Variants in SRGAP3 observed in about 807,000 individuals in gnomAD.
The protein encoded by SRGAP3 is SLIT-ROBO Rho GTPase activating protein 3, also known as SLIT-ROBO Rho GTPase-activating protein 3.
Under a neutral mutation model 121.1 loss-of-function variants are expected in SRGAP3, and 39 were observed. That is an observed-to-expected ratio of 0.32 (90% CI 0.25 to 0.42). The LOEUF (loss-of-function observed/expected upper bound fraction) is 0.42, where lower values mean the gene tolerates loss of function less well. Ranked by LOEUF, SRGAP3 falls within the 10% of genes least tolerant of loss-of-function variation. The pLI is 1.00. For synonymous variants in SRGAP3, 601 were observed against 570.0 expected, an observed-to-expected ratio of 1.05 and a Z score of -0.77; for missense variants, 1,213 against 1,470.6, an observed-to-expected ratio of 0.82 and a Z score of 2.86.
chr3:9,121,973 G>A (rs961043608), intron 2 of SRGAP3, among the ~76,000 whole-genome samples: 2 of 152,138 alleles, frequency 1.3e-5, no homozygotes, highest in Non-Finnish European at 2.9e-5. Context: ...CTGCACCTAG[G>A]CCCTTTCTTA....
chr3:9,170,517 GC>G (rs1029295369), intron 1 of SRGAP3, among the ~76,000 whole-genome samples: 2 of 152,160 alleles, frequency 1.3e-5, no homozygotes, highest in African/African-American at 4.8e-5. Flanking sequence ...GAGGTGGGCT[GC>G]TTTTTAGGAA....
At chr3:9,117,403 C>A (rs754049026) in intron 2 of SRGAP3, among the ~76,000 whole-genome samples, 6 of 152,204 alleles carry the variant, frequency 3.9e-5, no homozygotes, top group Non-Finnish European at 7.3e-5. Flanking sequence ...TCACAGGAAT[C>A]CTCTCTCCCA....
At chr3:9,016,849 C>G (rs546615054) in intron 14 of SRGAP3, among the ~76,000 whole-genome samples, 2 of 152,240 alleles carry the variant, frequency 1.3e-5, no homozygotes, top group African/African-American at 4.8e-5. Flanking sequence ...TTCCTGTCCC[C>G]CACTCTCACC....
At chr3:9,107,732 A>G (rs973026646) in intron 2 of SRGAP3, among the ~76,000 whole-genome samples, 2 of 152,214 alleles carry the variant, frequency 1.3e-5, no homozygotes, top group African/African-American at 4.8e-5. Context: ...CAAACTCTCA[A>G]GGTGATTTGG....
intron 1 of SRGAP3, among the ~76,000 whole-genome samples, chr3:9,190,487 A>G (rs1951716645): frequency 6.6e-6 from 1 of 152,204 alleles, no homozygotes; most frequent in African/African-American, 2.4e-5. Flanking sequence ...CTGAAAATGT[A>G]GTATAACGGA....
chr3:8,984,726 G>A lies in SRGAP3; in HGVS notation c.*793C>T. The stretch of plus-strand genomic sequence containing the variant: ...CGGGTGGAAGGGCAGGGTCTCTGGG[G>A]TGGACGGGGGTGGGGATTTCCTATG... On this transcript the variant is annotated 3_prime_UTR_variant, in exon 22 of 22. Coordinates refer to ENST00000383836, the MANE Select transcript of SRGAP3 (RefSeq NM_014850.4). 4.3e-6 allele frequency: 1 copy of A among 232,448 alleles called. No homozygotes were observed. Among genetic ancestry groups the A allele is most frequent in the East Asian group, 6.1e-5 (1 of 16,440 alleles). 14.4% of individuals were successfully genotyped at this position (232,448 alleles called of 1,614,324 possible). A position where few individuals can be genotyped will look rare whatever the true frequency, so the allele number is the denominator to read the frequency against.
intron 1 of SRGAP3, among the ~76,000 whole-genome samples, chr3:9,191,271 A>T (rs938341377): frequency 1.3e-5 from 2 of 152,240 alleles, no homozygotes; most frequent in African/African-American, 4.8e-5. Context: ...CATTGGAGAG[A>T]AAAAGCTGAA....
chr3:9,274,827 C>T (rs1559255026), intron 3 of SRGAP3, among the ~76,000 whole-genome samples: 1 of 152,204 alleles, frequency 6.6e-6, no homozygotes, highest in South Asian at 2.1e-4. Context: ...CATCATCAAG[C>T]TGTCCCTCTG....
At chr3:9,288,264 A>G (rs569439091) in intron 3 of SRGAP3, among the ~76,000 whole-genome samples, 4 of 151,624 alleles carry the variant, frequency 2.6e-5, no homozygotes, top group Non-Finnish European at 5.9e-5. Flanking sequence ...CAGCCTCCCA[A>G]GTAGCTAGGA....
At position 9,249,120 on chromosome 3, in the gene SRGAP3, G is replaced by A. The variant is rs1953926311; in HGVS notation, c.-169C>T. ...CAGGGAGAAAAATCCTTCTCCTTCT[G>A]GAAGGAAAAATCTCTTTACTTGCCG... On this transcript the variant is annotated 5_prime_UTR_variant, in exon 1 of 22. Coordinates refer to ENST00000383836, the MANE Select transcript of SRGAP3 (RefSeq NM_014850.4). 1.4e-6 allele frequency: 1 copy of A among 711,358 alleles called. No homozygotes were observed. Among genetic ancestry groups the A allele is most frequent in the Non-Finnish European group, 2.5e-6 (1 of 408,002 alleles). The allele number at this position is 711,358 out of a possible 1,614,324, so 44.1% of individuals were successfully genotyped here. A position where few individuals can be genotyped will look rare whatever the true frequency, so the allele number is the denominator to read the frequency against.
At chr3:9,262,534 CAAAAAAAAAAA>C (rs765408588) in intron 3 of SRGAP3, among the ~76,000 whole-genome samples, 2 of 25,582 alleles carry the variant, frequency 7.8e-5, no homozygotes, top group Non-Finnish European at 7.5e-5. Context: ...AAATGGAAAG[CAAAAAAAAAAA>C]AAAAAAAAAA....
chr3:9,027,441 A>T (rs1259045626), intron 12 of SRGAP3, among the ~76,000 whole-genome samples: 1 of 152,198 alleles, frequency 6.6e-6, no homozygotes, highest in African/African-American at 2.4e-5. Flanking sequence ...TTAAGGGCAC[A>T]CCAGGGGGGA....
intron 1 of SRGAP3, among the ~76,000 whole-genome samples, chr3:9,135,057 C>T (rs1387696339): frequency 6.6e-6 from 1 of 152,192 alleles, no homozygotes; most frequent in Admixed American, 6.5e-5. Context: ...TATTGTCCAA[C>T]ACAGTCGCCA....
intron 1 of SRGAP3, among the ~76,000 whole-genome samples, chr3:9,223,468 G>T (rs919950571): frequency 6.6e-6 from 1 of 152,230 alleles, no homozygotes; most frequent in African/African-American, 2.4e-5. Flanking sequence ...AGGGGATGCA[G>T]TAGAATGTTT....
At chr3:9,283,335 T>C (rs1183530974) in intron 3 of SRGAP3, among the ~76,000 whole-genome samples, 1 of 152,234 alleles carries the variant, frequency 6.6e-6, no homozygotes, top group Non-Finnish European at 1.5e-5. Flanking sequence ...TGGCCTATCA[T>C]GTACTTTGAA....
intron 5 of SRGAP3, among the ~76,000 whole-genome samples, chr3:9,063,982 A>C (rs1946299128): frequency 6.6e-6 from 1 of 152,280 alleles, no homozygotes; most frequent in South Asian, 2.1e-4. Flanking sequence ...CACATTCAGC[A>C]ATCAGTTCCC....
chr3:9,261,099 C>T (rs4089469), intron 3 of SRGAP3, among the ~76,000 whole-genome samples: 42,006 of 152,092 alleles, frequency 0.28, 6,761 homozygotes, highest in Middle Eastern at 0.37. Context: ...AGCAGACCTG[C>T]AGAAGAGGGG....
At chr3:9,255,668 T>A (rs1356699504) in intron 3 of SRGAP3, among the ~76,000 whole-genome samples, 2 of 152,046 alleles carry the variant, frequency 1.3e-5, no homozygotes, top group African/African-American at 4.8e-5. Flanking sequence ...ACAATCCACA[T>A]GGCCCCAAGA....
chr3:9,139,673 T>C (rs1211486344), intron 1 of SRGAP3, among the ~76,000 whole-genome samples: 2 of 152,230 alleles, frequency 1.3e-5, no homozygotes, highest in Non-Finnish European at 2.9e-5. Context: ...TCAGCAAGTA[T>C]GTGGCAATTT....
Sources: gnomAD v4.1 joint callset for allele counts (sites outside exome capture counted in the v4.1 genomes callset) on GRCh38, gnomAD v4.1.1 for gene constraint, MANE v1.5 for transcripts, NCBI Gene and HGNC (gene_info 2026-07-23, HGNC 2026-07-21) for gene names.